The following SV2C variants were observed in gnomAD, a reference collection of about 807,000 sequenced individuals.
SV2C encodes the protein solute carrier family 22 member B3.
A neutral mutation model predicts 79.7 loss-of-function variants in SV2C; 49 were observed. That is an observed-to-expected ratio of 0.61 (90% CI 0.49 to 0.78). The LOEUF is 0.78. Ranked by LOEUF, SV2C falls within the 30% of genes least tolerant of loss-of-function variation. SV2C has a pLI of 0.00. For missense variants in SV2C, 833 were observed against 912.9 expected (o/e 0.91, Z 1.13); for synonymous variants, 334 against 333.2 (o/e 1.00, Z -0.03).
the SV2C span, among the ~76,000 whole-genome samples, chr5:75,984,567 A>ATCTCTATCTATCTATC: frequency 2.9e-5 from 3 of 102,826 alleles, no homozygotes; most frequent in African/African-American, 8.6e-5. Context: ...CTATCTATCT[A>ATCTCTATCTATCTATC]TATCTATCTA....
At chr5:76,009,434 A>T in the SV2C span, among the ~76,000 whole-genome samples, 1 of 152,204 alleles carries the variant, frequency 6.6e-6, no homozygotes, top group South Asian at 2.1e-4. Flanking sequence ...GAAAACAAAT[A>T]GTTCTATCAA....
chr5:76,308,739 T>C (rs999131844), intron 12 of SV2C, among the ~76,000 whole-genome samples: 1 of 152,228 alleles, frequency 6.6e-6, no homozygotes, highest in Admixed American at 6.5e-5. Context: ...CTAGCAGTTC[T>C]GCCTTTTTCC....
chr5:76,182,977 G>A (rs886965119), intron 2 of SV2C, among the ~76,000 whole-genome samples: 2 of 147,354 alleles, frequency 1.4e-5, no homozygotes, highest in South Asian at 4.3e-4. Flanking sequence ...GAGAGAGAGA[G>A]TAGGGGGAGG....
the SV2C span, among the ~76,000 whole-genome samples, chr5:75,974,576 A>G: frequency 3.4e-4 from 52 of 151,788 alleles, no homozygotes; most frequent in African/African-American, 1.3e-3. Context: ...CTTTTACCTG[A>G]TTGATTTGTA....
chr5:76,211,252 A>T lies in SV2C; in HGVS notation c.913+1365A>T, dbSNP rs747535931. ...TTTAGAGGTGACTCCACCTGTCCAC[A>T]CTCCCAGATCCCCTCCTCAGTTTCT... On this transcript the variant is annotated intron_variant, in intron 4 of 12. Coordinates refer to ENST00000502798, the MANE Select transcript of SV2C (RefSeq NM_014979.4). Among the ~76,000 whole-genome samples, 152 of 151,914 alleles carry T rather than the reference A, an allele frequency of 1.0e-3. 2 individuals are homozygous for T. Among genetic ancestry groups the T allele is most frequent in the East Asian group, 2.3e-3 (12 of 5,164 alleles).
intron 4 of SV2C, among the ~76,000 whole-genome samples, chr5:76,218,512 A>G (rs1328918014): frequency 6.6e-6 from 1 of 152,156 alleles, no homozygotes; most frequent in African/African-American, 2.4e-5. Context: ...GGAACAGAAA[A>G]CCAAATACCA....
At chr5:76,349,794 C>T (rs966225821) in intron 12 of SV2C, among the ~76,000 whole-genome samples, 1 of 151,978 alleles carries the variant, frequency 6.6e-6, no homozygotes, top group Non-Finnish European at 1.5e-5. Context: ...CTTGGCCTCC[C>T]AAAGTGCTTG....
chr5:76,208,651 T>C (rs1744679846), intron 3 of SV2C, among the ~76,000 whole-genome samples: 1 of 152,244 alleles, frequency 6.6e-6, no homozygotes, highest in South Asian at 2.1e-4. Flanking sequence ...CATGCTTTAG[T>C]CCTTGACATC....
the SV2C span, among the ~76,000 whole-genome samples, chr5:75,928,686 G>A: frequency 2.0e-5 from 3 of 152,034 alleles, no homozygotes; most frequent in South Asian, 4.2e-4. Flanking sequence ...TCAAAACTTC[G>A]TGATGGAGTC....
At chr5:76,293,531 A>C (rs376358081) in intron 8 of SV2C, among the ~76,000 whole-genome samples, 30 of 152,200 alleles carry the variant, frequency 2.0e-4, no homozygotes, top group Admixed American at 2.0e-4. Flanking sequence ...ATGGATGGAC[A>C]TTCCAAGGTA....
intron 4 of SV2C, among the ~76,000 whole-genome samples, chr5:76,255,492 T>C (rs1212692880): frequency 6.6e-6 from 1 of 152,172 alleles, no homozygotes; most frequent in Non-Finnish European, 1.5e-5. Flanking sequence ...TTCTCACTAG[T>C]CCTTCAGGAA....
intron 12 of SV2C, among the ~76,000 whole-genome samples, chr5:76,343,889 C>T (rs1749488859): frequency 6.6e-6 from 1 of 152,164 alleles, no homozygotes; most frequent in Non-Finnish European, 1.5e-5. Flanking sequence ...GGCGTAGTGG[C>T]ACATTCCTGT....
chr5:76,331,559 T>A lies in SV2C; in HGVS notation c.*6012T>A, dbSNP rs981216063. On this transcript the variant is annotated 3_prime_UTR_variant, in exon 13 of 13. Coordinates refer to ENST00000502798, the MANE Select transcript of SV2C (RefSeq NM_014979.4). ...GCAGGGGGGCAGAGCAGAAAGAGGG[T>A]AGTTGTCAGTGACCCTCTACCCTCC... The A allele has an allele frequency of 3.3e-5, 5 of 152,062 alleles. No individual in the cohort carries two copies. The highest frequency in any genetic ancestry group is 1.2e-4 in the African/African-American group (5 of 41,366). 9.4% of individuals were successfully genotyped at this position (152,062 alleles called of 1,614,324 possible).
the SV2C span, among the ~76,000 whole-genome samples, chr5:76,018,541 T>C: frequency 6.6e-6 from 1 of 152,238 alleles, no homozygotes; most frequent in Non-Finnish European, 1.5e-5. Flanking sequence ...TGCAAGATAT[T>C]GCTAAGATAT....
At chr5:76,251,571 AACAC>A (rs1746119167) in intron 4 of SV2C, among the ~76,000 whole-genome samples, 1 of 151,834 alleles carries the variant, frequency 6.6e-6, no homozygotes, top group Admixed American at 6.6e-5. Context: ...CAAAATATTA[AACAC>A]ACACACACAG....
chr5:76,002,558 T>A, the SV2C span, among the ~76,000 whole-genome samples: 6 of 152,302 alleles, frequency 3.9e-5, no homozygotes, highest in South Asian at 1.2e-3. Flanking sequence ...AATGGGTAAA[T>A]TGTATGCTAT....
the SV2C span, among the ~76,000 whole-genome samples, chr5:76,015,376 G>A: frequency 5.3e-5 from 8 of 152,118 alleles, no homozygotes; most frequent in African/African-American, 1.9e-4. Context: ...CCTTAGCCTA[G>A]CCTAGCCTGT....
the SV2C span, among the ~76,000 whole-genome samples, chr5:76,045,582 G>C: frequency 2.6e-5 from 4 of 152,106 alleles, no homozygotes; most frequent in Admixed American, 1.3e-4. Context: ...TGCATTGAGC[G>C]AATTAGCTGC....
intron 1 of SV2C, among the ~76,000 whole-genome samples, chr5:76,086,287 A>G (rs1747195266): frequency 6.6e-6 from 1 of 152,226 alleles, no homozygotes; most frequent in Non-Finnish European, 1.5e-5. Flanking sequence ...AGTACCAGAA[A>G]ACCCATTTCC....
Sources: gnomAD v4.1 joint callset for allele counts (sites outside exome capture counted in the v4.1 genomes callset) on GRCh38, gnomAD v4.1.1 for gene constraint, MANE v1.5 for transcripts, NCBI Gene and HGNC (gene_info 2026-07-23, HGNC 2026-07-21) for gene names.